Variants in FAM184B observed in about 807,000 individuals in gnomAD.
FAM184B encodes protein FAM184B.
FAM184B carries 111 observed loss-of-function variants against 135.9 expected under a neutral mutation model. That is an observed-to-expected ratio of 0.82 (90% confidence interval 0.70 to 0.96). FAM184B has a LOEUF of 0.96. Ranked by LOEUF, FAM184B falls within the 40% of genes least tolerant of loss-of-function variation. The pLI, the probability that FAM184B is intolerant of heterozygous loss-of-function variation, is 0.00. For synonymous variants in FAM184B, 552 were observed against 524.8 expected, an observed-to-expected ratio of 1.05 and a Z score of -0.71; for missense variants, 1,375 against 1,323.9, an observed-to-expected ratio of 1.04 and a Z score of -0.60.
At chr4:17,714,021 C>G (rs1240410272) in intron 1 of FAM184B, among the ~76,000 whole-genome samples, 1 of 152,208 alleles carries the variant, frequency 6.6e-6, no homozygotes, top group Non-Finnish European at 1.5e-5. Context: ...CTTGCCTCCT[C>G]ATCCTTGGGG....
chr4:17,685,880 T>C (rs1296199984), intron 7 of FAM184B, among the ~76,000 whole-genome samples: 1 of 152,130 alleles, frequency 6.6e-6, no homozygotes, highest in Non-Finnish European at 1.5e-5. Flanking sequence ...CTCATGGACA[T>C]CGTGACCATG....
At chr4:17,770,611 A>C (rs377425121) in intron 1 of FAM184B, among the ~76,000 whole-genome samples, 17 of 152,204 alleles carry the variant, frequency 1.1e-4, no homozygotes, top group African/African-American at 4.1e-4. Flanking sequence ...TTACAGGTGC[A>C]TACCACCAAA....
chr4:17,730,376 C>A (rs907809157), intron 1 of FAM184B, among the ~76,000 whole-genome samples: 1 of 152,132 alleles, frequency 6.6e-6, no homozygotes, highest in Non-Finnish European at 1.5e-5. Flanking sequence ...CCCAATCTAG[C>A]AAGGCAGGCC....
chr4:17,737,003 A>G (rs1717924016), intron 1 of FAM184B, among the ~76,000 whole-genome samples: 1 of 152,018 alleles, frequency 6.6e-6, no homozygotes, highest in Non-Finnish European at 1.5e-5. Flanking sequence ...AAATTAGCTG[A>G]GTATGGTGGC....
chr4:17,749,982 T>A (rs979038554), intron 1 of FAM184B, among the ~76,000 whole-genome samples: 2 of 152,234 alleles, frequency 1.3e-5, no homozygotes, highest in African/African-American at 4.8e-5. Flanking sequence ...CTCAATCATA[T>A]TTTATTGCTG....
intron 1 of FAM184B, among the ~76,000 whole-genome samples, chr4:17,773,869 G>A (rs759181889): frequency 1.2e-4 from 18 of 152,290 alleles, no homozygotes; most frequent in South Asian, 8.3e-4. Context: ...GAGCCACCGC[G>A]CCCAGCCAAG....
At chr4:17,723,775 C>T (rs200181234) in intron 1 of FAM184B, among the ~76,000 whole-genome samples, 2 of 152,192 alleles carry the variant, frequency 1.3e-5, no homozygotes, top group East Asian at 3.8e-4. Context: ...GCCAAATCTT[C>T]TTACTGTTGC....
In FAM184B at chr4:17,703,663, T is replaced by A. The variant is rs557839952; in HGVS notation, c.1377+1337A>T. Among the ~76,000 whole-genome samples, 3 of 152,300 alleles carry A rather than the reference T, an allele frequency of 2.0e-5. No homozygotes were observed. The East Asian group carries it at 5.8e-4, about 29-fold the overall frequency. ...AAATCAGGCTTTAGGCCAGGCATGGTGGCTCACGCCTGTAATCCCAGCACT... is the reference window on the plus strand; with the variant it reads ...AAATCAGGCTTTAGGCCAGGCATGGAGGCTCACGCCTGTAATCCCAGCACT... On this transcript the variant is annotated intron_variant, in intron 5 of 17. Transcript: ENST00000265018.
intron 1 of FAM184B, among the ~76,000 whole-genome samples, chr4:17,725,292 G>A (rs1560186410): frequency 6.6e-6 from 1 of 152,208 alleles, no homozygotes; most frequent in Non-Finnish European, 1.5e-5. Context: ...GAAGAATTCT[G>A]TATGACAGAG....
intron 9 of FAM184B, 26 bp downstream of exon 9, chr4:17,659,932 G>A (rs1168904371): frequency 1.2e-5 from 18 of 1,548,964 alleles, no homozygotes; most frequent in Middle Eastern, 2.2e-4. Flanking sequence ...CAGGAAGGGG[G>A]CACATCCCCA....
At chr4:17,747,703 T>C (rs1047766371) in intron 1 of FAM184B, among the ~76,000 whole-genome samples, 2 of 151,538 alleles carry the variant, frequency 1.3e-5, no homozygotes, top group African/African-American at 4.8e-5. Flanking sequence ...GGGCGGATCA[T>C]GAGGTCAGGA....
chr4:17,642,236 A>T lies in FAM184B; in HGVS notation c.2347-8T>A, dbSNP rs1305491441. 2.0e-6 allele frequency: 3 copies of T among 1,476,696 alleles called. No individual in the cohort carries two copies. Among genetic ancestry groups the T allele is most frequent in the Admixed American group, 2.4e-5 (1 of 40,820 alleles). The allele number at this position is 1,476,696 out of a possible 1,614,324, so 91.5% of individuals were successfully genotyped here. A position where few individuals can be genotyped will look rare whatever the true frequency, so the allele number is the denominator to read the frequency against. ...GCCCGGGCCGCCCCGCTCCTGAGGAAGGCAACCAGGAGAGGTGTTTTCAGG... is the reference window on the plus strand; with the variant it reads ...GCCCGGGCCGCCCCGCTCCTGAGGATGGCAACCAGGAGAGGTGTTTTCAGG... On this transcript the variant is annotated splice_polypyrimidine_tract_variant and splice_region_variant and intron_variant, in intron 12 of 17. Transcript: ENST00000265018.
At chr4:17,648,325 A>G (rs1715521320) in intron 11 of FAM184B, among the ~76,000 whole-genome samples, 1 of 151,916 alleles carries the variant, frequency 6.6e-6, no homozygotes, top group Non-Finnish European at 1.5e-5. Context: ...CTCAAGTTGG[A>G]AATTTTGAAA....
intron 5 of FAM184B, among the ~76,000 whole-genome samples, chr4:17,704,368 C>T (rs1264927203): frequency 1.3e-5 from 2 of 152,220 alleles, no homozygotes; most frequent in Non-Finnish European, 1.5e-5. Context: ...GAACAGCACA[C>T]AGAGACAGAA....
intron 1 of FAM184B, among the ~76,000 whole-genome samples, chr4:17,728,400 A>T (rs928556196): frequency 6.6e-6 from 1 of 152,206 alleles, no homozygotes; most frequent in African/African-American, 2.4e-5. Flanking sequence ...AAAAAAAATT[A>T]CAATGAAAAT....
chr4:17,673,557 T>C (rs1292507108), intron 7 of FAM184B, among the ~76,000 whole-genome samples: 1 of 152,174 alleles, frequency 6.6e-6, no homozygotes, highest in Non-Finnish European at 1.5e-5. Flanking sequence ...AACTGTGGTA[T>C]ATATATACAA....
At chr4:17,739,546 A>G (rs969589575) in intron 1 of FAM184B, among the ~76,000 whole-genome samples, 3 of 27,114 alleles carry the variant, frequency 1.1e-4, no homozygotes, top group African/African-American at 3.2e-4. Flanking sequence ...ACCATATGTC[A>G]TACCAACTGT....
At chr4:17,685,931 A>C (rs1478411845) in intron 7 of FAM184B, among the ~76,000 whole-genome samples, 2 of 152,072 alleles carry the variant, frequency 1.3e-5, no homozygotes, top group Non-Finnish European at 2.9e-5. Context: ...CATACCTAGA[A>C]TTTCTATGTG....
intron 7 of FAM184B, among the ~76,000 whole-genome samples, chr4:17,677,123 C>G (rs931942717): frequency 3.3e-5 from 5 of 152,190 alleles, no homozygotes; most frequent in African/African-American, 4.8e-5. Context: ...TCTCAGCTAA[C>G]TGCAACCTCT....
Sources: allele counts gnomAD v4.1 joint callset (sites outside exome capture counted in the v4.1 genomes callset), GRCh38; gene constraint gnomAD v4.1.1; transcripts MANE v1.5; gene names NCBI Gene and HGNC (gene_info 2026-07-23, HGNC 2026-07-21).